The following HS6ST3 variants were observed in gnomAD, a reference collection of about 807,000 sequenced individuals.
HS6ST3 encodes the protein heparan sulfate 6-O-sulfotransferase 3.
In HS6ST3, 12 loss-of-function variants were observed where a neutral mutation model predicts 36.7. The observed-to-expected ratio is 0.33, with a 90% CI of 0.21 to 0.53. The LOEUF (loss-of-function observed/expected upper bound fraction) is 0.53, where lower values mean the gene tolerates loss of function less well. HS6ST3 is among the 20% of genes least tolerant of loss of function. The pLI, the probability that HS6ST3 is intolerant of heterozygous loss-of-function variation, is 0.95. For missense variants in HS6ST3, 584 were observed against 640.9 expected (o/e 0.91, Z 0.96); for synonymous variants, 240 against 257.5 (o/e 0.93, Z 0.65).
chr13:96,467,883 C>T (rs1271136653), intron 1 of HS6ST3, among the ~76,000 whole-genome samples: 2 of 152,068 alleles, frequency 1.3e-5, no homozygotes, highest in African/African-American at 4.8e-5. Flanking sequence ...ACCCAGTACA[C>T]GTGTGGCATT....
At chr13:96,119,394 TTTA>T (rs2053914388) in intron 1 of HS6ST3, among the ~76,000 whole-genome samples, 1 of 152,148 alleles carries the variant, frequency 6.6e-6, no homozygotes, top group African/African-American at 2.4e-5. Flanking sequence ...ATAGTATCTC[TTTA>T]TTAAGTATAA....
chr13:96,763,003 A>G (rs1188372196), intron 1 of HS6ST3, among the ~76,000 whole-genome samples: 1 of 152,202 alleles, frequency 6.6e-6, no homozygotes, highest in Admixed American at 6.5e-5. Flanking sequence ...CCATCCCAAT[A>G]TGGTCCTTGT....
At chr13:96,363,148 CCACA>C (rs921027628) in intron 1 of HS6ST3, among the ~76,000 whole-genome samples, 1 of 151,820 alleles carries the variant, frequency 6.6e-6, no homozygotes, top group African/African-American at 2.4e-5. Flanking sequence ...CTCACACACA[CCACA>C]CACACACGAG....
intron 1 of HS6ST3, among the ~76,000 whole-genome samples, chr13:96,302,456 T>C (rs1253955369): frequency 6.6e-6 from 1 of 152,182 alleles, no homozygotes; most frequent in African/African-American, 2.4e-5. Context: ...AAGTAGGTAT[T>C]CAAATAGATA....
chr13:96,124,119 A>G (rs2053939295), intron 1 of HS6ST3, among the ~76,000 whole-genome samples: 1 of 152,200 alleles, frequency 6.6e-6, no homozygotes, highest in Non-Finnish European at 1.5e-5. Context: ...GAATTATCCC[A>G]GATATTAAAA....
intron 1 of HS6ST3, among the ~76,000 whole-genome samples, chr13:96,319,130 C>G (rs1174197818): frequency 6.6e-6 from 1 of 152,182 alleles, no homozygotes; most frequent in Admixed American, 6.5e-5. Context: ...TCTAACATCC[C>G]TTAGTCCCTG....
intron 1 of HS6ST3, among the ~76,000 whole-genome samples, chr13:96,179,932 C>T (rs533111719): frequency 6.6e-5 from 10 of 152,166 alleles, no homozygotes; most frequent in African/African-American, 1.7e-4. Context: ...CAGGTTCAAG[C>T]GATTTTCCTG....
chr13:96,237,489 G>A (rs950397388), intron 1 of HS6ST3, among the ~76,000 whole-genome samples: 2 of 151,374 alleles, frequency 1.3e-5, no homozygotes, highest in East Asian at 1.9e-4. Flanking sequence ...TCTCTAACTC[G>A]TTTCTTCTCT....
At chr13:96,478,663 C>T (rs932787405) in intron 1 of HS6ST3, among the ~76,000 whole-genome samples, 2 of 152,060 alleles carry the variant, frequency 1.3e-5, no homozygotes, top group Non-Finnish European at 2.9e-5. Context: ...TTATATTTAG[C>T]GTTTGCTTTG....
At chr13:96,687,388 A>G (rs1307685501) in intron 1 of HS6ST3, among the ~76,000 whole-genome samples, 3 of 152,000 alleles carry the variant, frequency 2.0e-5, no homozygotes, top group Non-Finnish European at 2.9e-5. Context: ...CTGAAAGTCA[A>G]TTACTTTGAA....
At chr13:96,321,070 A>G (rs1260323395) in intron 1 of HS6ST3, among the ~76,000 whole-genome samples, 1 of 151,838 alleles carries the variant, frequency 6.6e-6, no homozygotes, top group Non-Finnish European at 1.5e-5. Context: ...CCTGATTATG[A>G]TGAATAATCA....
intron 1 of HS6ST3, among the ~76,000 whole-genome samples, chr13:96,479,914 G>T (rs1313084697): frequency 6.6e-6 from 1 of 152,020 alleles, no homozygotes; most frequent in African/African-American, 2.4e-5. Flanking sequence ...GGGGAATTGG[G>T]GTGAGCTTTT....
intron 1 of HS6ST3, among the ~76,000 whole-genome samples, chr13:96,484,569 T>A (rs2055905138): frequency 6.6e-6 from 1 of 152,208 alleles, no homozygotes; most frequent in African/African-American, 2.4e-5. Context: ...TTGACTATTT[T>A]AGATTTCACT....
At chr13:96,390,252 A>G (rs770369101) in intron 1 of HS6ST3, among the ~76,000 whole-genome samples, 23 of 152,332 alleles carry the variant, frequency 1.5e-4, no homozygotes, top group Non-Finnish European at 2.8e-4. Context: ...ATCTACATAT[A>G]AGAACGTTAA....
Position 96,679,379 on chromosome 13 carries a change from T to A in HS6ST3, c.708-153111T>A, listed in dbSNP as rs534753486. On this transcript the variant is annotated intron_variant, in intron 1 of 1. Coordinates refer to ENST00000376705, the MANE Select transcript of HS6ST3 (RefSeq NM_153456.4). ...GGCTTGTTTAAAGCCCACTGCCACA[T>A]CCCTGTTTGCCTCACCCCAAGAGAC... Among the ~76,000 whole-genome samples, 12 of 152,028 alleles carry A rather than the reference T, an allele frequency of 7.9e-5. No homozygotes were observed. The East Asian group carries it at 2.1e-3, about 27-fold the overall frequency.
rs181273183 is a variant in HS6ST3 at position 96,381,769 on chromosome 13, T to G, written c.707+290200T>G. Among the ~76,000 whole-genome samples the G allele has an allele frequency of 7.2e-4, 109 of 152,258 alleles. 1 individual carries two copies. The highest frequency in any genetic ancestry group is 1.0e-4 in the Non-Finnish European group (7 of 68,008). The stretch of plus-strand genomic sequence containing the variant: ...ACTTGCCTTGCATTTTGATCACTTT[T>G]GTTTGTTTGTTTGTTTTTACCATTG... On this transcript the variant is annotated intron_variant, in intron 1 of 1. Coordinates refer to ENST00000376705, the MANE Select transcript of HS6ST3 (RefSeq NM_153456.4).
At chr13:96,386,360 T>A (rs2055367877) in intron 1 of HS6ST3, among the ~76,000 whole-genome samples, 2 of 152,060 alleles carry the variant, frequency 1.3e-5, no homozygotes, top group South Asian at 4.1e-4. Flanking sequence ...ACTTCTAAAG[T>A]GATGTGCAGA....
intron 1 of HS6ST3, among the ~76,000 whole-genome samples, chr13:96,378,255 C>T (rs940075823): frequency 5.3e-5 from 8 of 152,142 alleles, no homozygotes; most frequent in African/African-American, 1.9e-4. Context: ...CCTGCAGTGT[C>T]ATGAGAGTTA....
At chr13:96,304,632 T>C (rs1017571377) in intron 1 of HS6ST3, among the ~76,000 whole-genome samples, 1 of 151,052 alleles carries the variant, frequency 6.6e-6, no homozygotes, top group Non-Finnish European at 1.5e-5. Context: ...ACATATATAA[T>C]GTGGAAGGTT....
Sources: gnomAD v4.1 joint callset for allele counts (sites outside exome capture counted in the v4.1 genomes callset) on GRCh38, gnomAD v4.1.1 for gene constraint, MANE v1.5 for transcripts, NCBI Gene and HGNC (gene_info 2026-07-23, HGNC 2026-07-21) for gene names.